MSN: variants seen among roughly 807,000 people sequenced by gnomAD.
The protein encoded by MSN is moesin, also known as epididymis luminal protein 70.
A neutral mutation model predicts 48.0 loss-of-function variants in MSN; 2 were observed. The ratio of observed to expected loss-of-function variants is 0.04; its 90% CI spans 0.02 to 0.13. The LOEUF (loss-of-function observed/expected upper bound fraction) is 0.13, where lower values mean the gene tolerates loss of function less well. MSN is among the 10% of genes least tolerant of loss of function. MSN has a pLI of 1.00. For missense variants in MSN, 267 were observed against 470.1 expected (o/e 0.57, Z 3.99); for synonymous variants, 146 against 166.9 (o/e 0.87, Z 0.97).
chrX:65,614,692 A>G (rs1240993575), intron 1 of MSN, among the ~76,000 whole-genome samples: 29 of 82,000 alleles, frequency 3.5e-4, no homozygotes, highest in African/African-American at 1.6e-3. Flanking sequence ...TTATTTATTT[A>G]TTTATTTTTT....
intron 1 of MSN, among the ~76,000 whole-genome samples, chrX:65,693,838 G>A (rs1370013942): frequency 9.0e-6 from 1 of 111,707 alleles, no homozygotes; most frequent in African/African-American, 3.3e-5. Flanking sequence ...CAGATCACGA[G>A]GTCAGGAGAT....
chrX:65,722,600 G>A (rs1465688294), intron 2 of MSN, among the ~76,000 whole-genome samples: 1 of 110,211 alleles, frequency 9.1e-6, no homozygotes, highest in African/African-American at 3.3e-5. Context: ...TGTATTTTTA[G>A]TAGAGATGGG....
chrX:65,652,154 G>A (rs1255533038), intron 1 of MSN, among the ~76,000 whole-genome samples: 2 of 110,195 alleles, frequency 1.8e-5, no homozygotes, highest in Non-Finnish European at 3.8e-5. Context: ...CCCTTGGGAT[G>A]TGCTGTGCTA....
At chrX:65,666,607 C>T (rs1414035957), upstream of MSN, among the ~76,000 whole-genome samples, 1 of 111,194 alleles carries the variant, frequency 9.0e-6, no homozygotes, top group Non-Finnish European at 1.9e-5. Flanking sequence ...GAGTGAGCCA[C>T]TATGCCCGGC....
chrX:65,592,656 A>G (rs767808953), intron 1 of MSN, among the ~76,000 whole-genome samples: 4 of 112,106 alleles, frequency 3.6e-5, no homozygotes, highest in South Asian at 7.4e-4. Flanking sequence ...TATAGATATG[A>G]AATGTTATCA....
Position 65,708,075 on chromosome X carries a change from T to C in MSN, c.13-8743T>C, listed in dbSNP as rs183932063. 2.1e-3 allele frequency among the ~76,000 whole-genome samples: 238 copies of C among 111,096 alleles called. 1 individual carries two copies. The highest frequency in any genetic ancestry group is 7.3e-3 in the African/African-American group (223 of 30,558). On this transcript the variant is annotated intron_variant, in intron 1 of 12. Coordinates refer to ENST00000360270, the MANE Select transcript of MSN (RefSeq NM_002444.3). ...ATATTGCCCAGGATGATCTCTAGCT[T>C]CTGGCTTCAAGCTGTCCTCCCACCT...
intron 1 of MSN, among the ~76,000 whole-genome samples, chrX:65,643,193 A>T (rs2070670938): frequency 1.8e-5 from 2 of 111,316 alleles, no homozygotes; most frequent in African/African-American, 6.5e-5. Context: ...TACCTCCCCA[A>T]TGTCTGATTT....
chrX:65,694,623 C>G (rs1005357670), intron 1 of MSN, among the ~76,000 whole-genome samples: 1 of 112,220 alleles, frequency 8.9e-6, no homozygotes, highest in African/African-American at 3.2e-5. Context: ...GCCACCACGC[C>G]CGGCACTCTT....
intron 1 of MSN, among the ~76,000 whole-genome samples, chrX:65,618,406 A>G (rs2070397894): frequency 9.0e-6 from 1 of 111,430 alleles, no homozygotes; most frequent in Non-Finnish European, 1.9e-5. Flanking sequence ...TTGGGTGCAT[A>G]TATATTTAGG....
chrX:65,654,257 C>T (rs1028257831), intron 1 of MSN, among the ~76,000 whole-genome samples: 1 of 108,567 alleles, frequency 9.2e-6, no homozygotes, highest in Non-Finnish European at 1.9e-5. Context: ...AGGCGCCCAC[C>T]ACCACACTCA....
chrX:65,692,270 G>T (rs2071180972), intron 1 of MSN, among the ~76,000 whole-genome samples: 1 of 112,546 alleles, frequency 8.9e-6, no homozygotes, highest in South Asian at 3.6e-4. Context: ...TCAGCCCCTG[G>T]CCTGGGGCCT....
chrX:65,650,232 T>G (rs1372656222), intron 1 of MSN, among the ~76,000 whole-genome samples: 1 of 108,031 alleles, frequency 9.3e-6, no homozygotes, highest in African/African-American at 3.4e-5. Flanking sequence ...GGACCACAGG[T>G]GCATGCCACT....
chrX:65,608,041 T>C (rs1168926306), intron 1 of MSN, among the ~76,000 whole-genome samples: 2 of 112,378 alleles, frequency 1.8e-5, no homozygotes, highest in Non-Finnish European at 3.8e-5. Context: ...GGCATAGCCC[T>C]ACCAGACTGC....
chrX:65,610,320 C>A (rs1362163121), intron 1 of MSN, among the ~76,000 whole-genome samples: 1 of 112,129 alleles, frequency 8.9e-6, no homozygotes, highest in East Asian at 2.8e-4. Context: ...TATGAATTTG[C>A]CCATTTTGAA....
At chrX:65,601,058 C>G (rs1219759274) in intron 1 of MSN, among the ~76,000 whole-genome samples, 1 of 111,951 alleles carries the variant, frequency 8.9e-6, no homozygotes, top group African/African-American at 3.3e-5. Flanking sequence ...TATTCAAGAT[C>G]TCACAGAGGA....
At position 65,727,978 on chromosome X, in the gene MSN, T is replaced by C. The variant is rs186626801; in HGVS notation, c.192+69T>C. 5,128 of 994,435 alleles carry C rather than the reference T, an allele frequency of 5.2e-3. 284 individuals carry two copies. In the Admixed American group the frequency reaches 0.12, roughly 23 times the overall value. The allele number at this position is 994,435 out of a possible 1,213,427, so 82.0% of individuals were successfully genotyped here. A position where few individuals can be genotyped will look rare whatever the true frequency, so the allele number is the denominator to read the frequency against. ...CCAGAACATTCCTGGGAGGGTACCATGTGCTAGTTGGCAAATCCTGGATAC... is the reference window on the plus strand; with the variant it reads ...CCAGAACATTCCTGGGAGGGTACCACGTGCTAGTTGGCAAATCCTGGATAC... On this transcript the variant is annotated intron_variant, in intron 3 of 12. Transcript: ENST00000360270.
intron 8 of MSN, 150 bp downstream of exon 8, chrX:65,735,580 C>A: frequency 1.3e-6 from 1 of 741,701 alleles, no homozygotes; most frequent in Non-Finnish European, 1.9e-6. Context: ...CAGAAAAAAT[C>A]TACCAAGTTT....
At chrX:65,680,177 CT>C (rs1197211323) in intron 1 of MSN, among the ~76,000 whole-genome samples, 1 of 111,771 alleles carries the variant, frequency 8.9e-6, no homozygotes, top group African/African-American at 3.3e-5. Context: ...TATATTTCCC[CT>C]TTTTTTAAAA....
At chrX:65,691,730 A>C (rs747035325) in intron 1 of MSN, among the ~76,000 whole-genome samples, 22 of 111,326 alleles carry the variant, frequency 2.0e-4, no homozygotes, top group Non-Finnish European at 3.6e-4. Flanking sequence ...GGTCTTGAAC[A>C]CCTGGCCTTA....
Sources: gnomAD v4.1 joint callset for allele counts (sites outside exome capture counted in the v4.1 genomes callset) on GRCh38, gnomAD v4.1.1 for gene constraint, MANE v1.5 for transcripts, NCBI Gene and HGNC (gene_info 2026-07-23, HGNC 2026-07-21) for gene names.